LRBA: variants seen among roughly 807,000 people sequenced by gnomAD.
LRBA encodes LPS responsive beige-like anchor protein.
A neutral mutation model predicts 330.0 loss-of-function variants in LRBA; 176 were observed. The observed-to-expected ratio is 0.53, with a 90% CI of 0.47 to 0.60. The LOEUF (loss-of-function observed/expected upper bound fraction) is 0.60, where lower values mean the gene tolerates loss of function less well. Among genes scored for constraint, LRBA ranks in the 20% least tolerant of loss-of-function variants. The probability of loss-of-function intolerance (pLI) is 0.00; values close to 1 mark genes in which losing one functional copy is unlikely to be tolerated. For synonymous variants in LRBA, 1,230 were observed against 1,193.0 expected (o/e 1.03, Z -0.64); for missense variants, 3,259 against 3,444.8 (o/e 0.95, Z 1.35).
intron 9 of LRBA, among the ~76,000 whole-genome samples, chr4:150,911,351 T>A (rs931549246): frequency 3.3e-5 from 5 of 152,148 alleles, no homozygotes; most frequent in African/African-American, 1.2e-4. Flanking sequence ...TATGTTGAGG[T>A]AGTTTCCTTC....
chr4:150,669,064 G>A (rs1781821635), intron 37 of LRBA, among the ~76,000 whole-genome samples: 1 of 152,142 alleles, frequency 6.6e-6, no homozygotes, highest in Non-Finnish European at 1.5e-5. Context: ...CAAATCTAAG[G>A]TCGTCCAGTA....
intron 41 of LRBA, among the ~76,000 whole-genome samples, chr4:150,488,358 T>C (rs1758140187): frequency 6.6e-6 from 1 of 151,696 alleles, no homozygotes; most frequent in South Asian, 2.1e-4. Context: ...TTTTACAATG[T>C]CTATATGTTT....
chr4:150,710,234 T>C (rs957225507), intron 36 of LRBA, among the ~76,000 whole-genome samples: 1 of 151,894 alleles, frequency 6.6e-6, no homozygotes, highest in Non-Finnish European at 1.5e-5. Context: ...AAGTGTGTAG[T>C]AAGGGAAAAA....
intron 2 of LRBA, among the ~76,000 whole-genome samples, chr4:150,980,833 G>A (rs1740749394): frequency 6.6e-6 from 1 of 152,024 alleles, no homozygotes; most frequent in Non-Finnish European, 1.5e-5. Context: ...ATTTCTATAT[G>A]CCAACAGCAA....
At chr4:150,328,150 T>G (rs902427948) in intron 48 of LRBA, among the ~76,000 whole-genome samples, 2 of 152,116 alleles carry the variant, frequency 1.3e-5, no homozygotes, top group African/African-American at 4.8e-5. Context: ...AAAAAAAACT[T>G]GCATGTTTCA....
chr4:150,344,164 A>G (rs1735960331), intron 48 of LRBA, among the ~76,000 whole-genome samples: 1 of 152,212 alleles, frequency 6.6e-6, no homozygotes, highest in Non-Finnish European at 1.5e-5. Context: ...ATTAAAAAAA[A>G]ATTATCCTTT....
At chr4:150,481,341 G>A (rs775815205) in intron 42 of LRBA, among the ~76,000 whole-genome samples, 164 of 152,228 alleles carry the variant, frequency 1.1e-3, no homozygotes, top group Middle Eastern at 3.4e-3. Flanking sequence ...ATCCTTTCGT[G>A]TGGATAGATG....
intron 28 of LRBA, among the ~76,000 whole-genome samples, chr4:150,837,006 A>G (rs563574368): frequency 1.1e-4 from 17 of 152,102 alleles, no homozygotes; most frequent in African/African-American, 3.4e-4. Context: ...CTTTGTTCTC[A>G]TTGGTTTCAA....
At chr4:150,671,708 T>C (rs902713193) in intron 37 of LRBA, among the ~76,000 whole-genome samples, 2 of 151,982 alleles carry the variant, frequency 1.3e-5, no homozygotes, top group African/African-American at 4.8e-5. Flanking sequence ...CCTATAAACA[T>C]AAAAAGGACT....
intron 36 of LRBA, among the ~76,000 whole-genome samples, chr4:150,695,922 G>A (rs1784577016): frequency 6.6e-6 from 1 of 152,100 alleles, no homozygotes; most frequent in Admixed American, 6.5e-5. Context: ...CTACAAATAG[G>A]TAAATCTTAC....
chr4:150,964,152 G>A (rs968203448), intron 2 of LRBA, among the ~76,000 whole-genome samples: 14 of 147,044 alleles, frequency 9.5e-5, no homozygotes, highest in Non-Finnish European at 1.8e-4. Flanking sequence ...CCGGCCAGCT[G>A]CCCCGTCTGG....
intron 56 of LRBA, among the ~76,000 whole-genome samples, chr4:150,266,383 T>TA (rs1235604918): frequency 6.6e-6 from 1 of 152,224 alleles, no homozygotes; most frequent in Non-Finnish European, 1.5e-5. Flanking sequence ...CTAGTCCTCG[T>TA]AACACAGTAA....
intron 34 of LRBA, among the ~76,000 whole-genome samples, chr4:150,793,903 T>C (rs1024753612): frequency 9.2e-5 from 14 of 152,210 alleles, no homozygotes; most frequent in Admixed American, 5.9e-4. Flanking sequence ...GTTACCTTCA[T>C]AGCATCTAGA....
intron 48 of LRBA, among the ~76,000 whole-genome samples, chr4:150,332,824 T>C (rs1246478000): frequency 6.6e-6 from 1 of 152,104 alleles, no homozygotes; most frequent in Non-Finnish European, 1.5e-5. Context: ...CTTCAAGACA[T>C]TGCAGTAAAA....
chr4:150,920,449 T>C (rs1416539169), intron 5 of LRBA, among the ~76,000 whole-genome samples: 1 of 152,124 alleles, frequency 6.6e-6, no homozygotes. Flanking sequence ...CTCAGGAGGC[T>C]GAGGCAGAAG....
chr4:150,588,138 A>C lies in LRBA; in HGVS notation c.6240T>G (p.Val2080=). 1.2e-6 allele frequency: 2 copies of C among 1,612,114 alleles called. No homozygotes were observed. The highest frequency in any genetic ancestry group is 2.2e-5 in the South Asian group (2 of 90,414). Residue 2080 remains valine, a synonymous_variant, in exon 40 of 57, where the codon GTT becomes GTG. Coordinates refer to ENST00000651943, the MANE Select transcript of LRBA (RefSeq NM_001364905.1). ...TGACAGAAAGAGTGCCCTTTACTAC[A>C]ACAGAGGGGGCCACAAGCTGAGCTG... is the stretch of plus-strand genomic sequence containing the variant. ...STPAQLVAPS[V]VVKGTLSVTS...
intron 38 of LRBA, 147 bp from the exon 39 acceptor site, chr4:150,591,006 G>A (rs764041839): frequency 3.0e-5 from 20 of 668,198 alleles, no homozygotes; most frequent in Non-Finnish European, 4.7e-5. Flanking sequence ...GATTGGGATG[G>A]CACACATGCC....
intron 15 of LRBA, 73 bp downstream of exon 15, chr4:150,897,666 C>G (rs1298810668): frequency 1.3e-5 from 14 of 1,062,932 alleles, no homozygotes; most frequent in Admixed American, 2.0e-5. Context: ...AATAAAAAAA[C>G]CAAGATTGTA....
At chr4:151,005,854 C>A (rs1744012475) in intron 2 of LRBA, among the ~76,000 whole-genome samples, 1 of 152,030 alleles carries the variant, frequency 6.6e-6, no homozygotes, top group Non-Finnish European at 1.5e-5. Flanking sequence ...CCTCGGCCTC[C>A]CAAAGCACTG....
Sources: gnomAD v4.1 joint callset for allele counts (sites outside exome capture counted in the v4.1 genomes callset) on GRCh38, gnomAD v4.1.1 for gene constraint, MANE v1.5 for transcripts, NCBI Gene and HGNC (gene_info 2026-07-23, HGNC 2026-07-21) for gene names.